Variants in URB1 observed in about 807,000 individuals in gnomAD.
The protein encoded by URB1 is nucleolar pre-ribosomal-associated protein 1.
A neutral mutation model predicts 242.3 loss-of-function variants in URB1; 197 were observed. The observed-to-expected ratio is 0.81, with a 90% CI of 0.72 to 0.91. The LOEUF (loss-of-function observed/expected upper bound fraction) is 0.91. Ranked by LOEUF, URB1 falls within the 40% of genes least tolerant of loss-of-function variation. The pLI, the probability that URB1 is intolerant of heterozygous loss-of-function variation, is 0.00. For synonymous variants in URB1, 1,153 were observed against 1,201.8 expected (o/e 0.96, Z 0.84); for missense variants, 2,721 against 2,860.5 (o/e 0.95, Z 1.11).
chr21:32,373,421 T>C (rs756912407), intron 7 of URB1, among the ~76,000 whole-genome samples: 5 of 151,316 alleles, frequency 3.3e-5, no homozygotes, highest in African/African-American at 4.9e-5. Flanking sequence ...AAGGAAATCA[T>C]AGTTTTCTAA....
intron 2 of URB1, among the ~76,000 whole-genome samples, chr21:32,384,857 T>C (rs1378325942): frequency 2.0e-5 from 3 of 152,170 alleles, no homozygotes; most frequent in African/African-American, 7.2e-5. Context: ...GGCGGGCGCC[T>C]GTAGTCCCAG....
intron 22 of URB1, among the ~76,000 whole-genome samples, chr21:32,346,328 G>A (rs1016949522): frequency 1.3e-5 from 2 of 152,158 alleles, no homozygotes; most frequent in African/African-American, 4.8e-5. Context: ...CAGGTCTTCC[G>A]TTATACCAAT....
At chr21:32,391,344 T>G (rs946873445) in intron 1 of URB1, among the ~76,000 whole-genome samples, 1 of 151,308 alleles carries the variant, frequency 6.6e-6, no homozygotes, top group Admixed American at 6.6e-5. Context: ...GTTGTGCACA[T>G]GTACCCTAAA....
intron 17 of URB1, 110 bp from the exon 18 acceptor site, chr21:32,354,213 A>G: frequency 1.6e-6 from 2 of 1,279,264 alleles, no homozygotes; most frequent in Non-Finnish European, 2.1e-6. Flanking sequence ...AAAAAGCCAA[A>G]TTCCTCTTGG....
chr21:32,354,849 T>C lies in URB1; in HGVS notation c.2245+10A>G. 1.9e-6 allele frequency: 3 copies of C among 1,552,086 alleles called. No homozygotes were observed. Among genetic ancestry groups the C allele is most frequent in the East Asian group, 2.4e-5 (1 of 40,914 alleles). Reference sequence around the variant, plus strand: ...GACCTCTGAGCAGCGCAGAACAGAATGGAACATACCGTCAATGTGGGAGAT... The same window carrying C: ...GACCTCTGAGCAGCGCAGAACAGAACGGAACATACCGTCAATGTGGGAGAT... On this transcript the variant is annotated intron_variant, in intron 17 of 38. Transcript: ENST00000382751.
Position 32,312,587 on chromosome 21 carries a change from C to G in URB1, c.*2331G>C, listed in dbSNP as rs1018265983. On this transcript the variant is annotated 3_prime_UTR_variant, in exon 39 of 39. Transcript: ENST00000382751. Reference sequence around the variant, plus strand: ...CAGCCAACGCCTGTCAGCAGCCAGGCCGGGTAAGCAGGATCTATGCCCAAA... The same window carrying G: ...CAGCCAACGCCTGTCAGCAGCCAGGGCGGGTAAGCAGGATCTATGCCCAAA... 1.8e-5 allele frequency: 3 copies of G among 164,726 alleles called. No homozygotes were observed. Among genetic ancestry groups the G allele is most frequent in the Admixed American group, 1.7e-4 (3 of 17,986 alleles). The allele number at this position is 164,726 out of a possible 1,614,324, so 10.2% of individuals were successfully genotyped here. A position where few individuals can be genotyped will look rare whatever the true frequency, so the allele number is the denominator to read the frequency against.
chr21:32,345,874 G>A (rs2033081236), intron 22 of URB1, among the ~76,000 whole-genome samples: 1 of 152,198 alleles, frequency 6.6e-6, no homozygotes, highest in African/African-American at 2.4e-5. Context: ...TGAGTGCCAA[G>A]GTTCTCAATT....
chr21:32,322,944 G>A (rs1284793520), intron 32 of URB1, among the ~76,000 whole-genome samples: 2 of 152,166 alleles, frequency 1.3e-5, no homozygotes, highest in South Asian at 2.1e-4. Flanking sequence ...ACACCCACCC[G>A]CTGCACCTGC....
Position 32,352,906 on chromosome 21 carries a change from G to C in URB1, c.2417C>G (p.Ala806Gly), listed in dbSNP as rs780853582. 2.6e-6 allele frequency: 4 copies of C among 1,542,112 alleles called. No individual in the cohort carries two copies. The Admixed American group carries it at 7.9e-5, about 31-fold the overall frequency. ...KLLLGTGNEA[A>G]ENVVTYLTAV... ...CGTCAGATATGTCACAACGTTTTCC[G>C]CTGCAAAGGAACGAGATGCATATGG... The change falls in exon 19 of 39, where the codon GCG becomes GGG. Residue 806 changes from alanine (A) to glycine (G), a missense_variant and splice_region_variant. Transcript: ENST00000382751.
At chr21:32,391,227 G>A (rs898044956) in intron 1 of URB1, among the ~76,000 whole-genome samples, 4 of 151,208 alleles carry the variant, frequency 2.6e-5, no homozygotes, top group Non-Finnish European at 5.9e-5. Flanking sequence ...TCGGGTCGGG[G>A]GGAGGGGGGA....
chr21:32,388,003 G>T (rs2033601142), intron 1 of URB1, among the ~76,000 whole-genome samples: 1 of 152,234 alleles, frequency 6.6e-6, no homozygotes, highest in Admixed American at 6.5e-5. Context: ...TCCACTAGCT[G>T]AGCAGAGAGG....
chr21:32,356,593 G>A (rs1421294297), intron 15 of URB1, among the ~76,000 whole-genome samples: 1 of 152,076 alleles, frequency 6.6e-6, no homozygotes, highest in African/African-American at 2.4e-5. Flanking sequence ...ATTCTCCAAG[G>A]TCACGAGCCA....
chr21:32,379,120 C>T (rs1018775849), intron 4 of URB1, among the ~76,000 whole-genome samples: 9 of 152,222 alleles, frequency 5.9e-5, no homozygotes, highest in Non-Finnish European at 1.3e-4. Flanking sequence ...TGTCCACATG[C>T]ATCAGCCACC....
chr21:32,353,217 C>A (rs2033178948), intron 18 of URB1, among the ~76,000 whole-genome samples: 1 of 152,206 alleles, frequency 6.6e-6, no homozygotes, highest in Non-Finnish European at 1.5e-5. Context: ...GTTTACTGTG[C>A]CTCGGCACAC....
At chr21:32,364,463 G>C (rs2033323199) in intron 10 of URB1, among the ~76,000 whole-genome samples, 1 of 152,186 alleles carries the variant, frequency 6.6e-6, no homozygotes, top group Non-Finnish European at 1.5e-5. Flanking sequence ...AGCTTTTCTG[G>C]TTTACTTTCA....
intron 29 of URB1, 60 bp from the exon 30 acceptor site, chr21:32,333,479 G>C (rs2032919743): frequency 1.8e-5 from 24 of 1,310,428 alleles, no homozygotes; most frequent in Admixed American, 6.8e-5. Context: ...AATACAGGTT[G>C]AGTATCTCTT....
At chr21:32,369,640 T>C (rs2033385386) in intron 8 of URB1, among the ~76,000 whole-genome samples, 1 of 152,056 alleles carries the variant, frequency 6.6e-6, no homozygotes, top group Non-Finnish European at 1.5e-5. Flanking sequence ...GTTTTTTTTA[T>C]ACGAACTGCT....
rs553704565 is a variant in URB1 at position 32,368,745 on chromosome 21, G to T, written c.1002-147C>A. 1.1e-4 allele frequency: 74 copies of T among 689,350 alleles called. No individual in the cohort carries two copies. In the African/African-American group the frequency reaches 1.2e-3, roughly 11 times the overall value. 42.7% of individuals were successfully genotyped at this position (689,350 alleles called of 1,614,324 possible). ...AATTTCCCCCAGGACGTAAAGTGGG[G>T]GTTCCGTGGCCTGGGGGTTCCAGCT... On this transcript the variant is annotated intron_variant, in intron 8 of 38. Transcript: ENST00000382751.
At chr21:32,358,010 CAG>C (rs35534878) in intron 14 of URB1, among the ~76,000 whole-genome samples, 4,872 of 152,342 alleles carry the variant, frequency 0.032, 257 homozygotes, top group African/African-American at 0.11. Context: ...GCCTGGGCAA[CAG>C]AGTGAGACTT....
Sources: allele counts gnomAD v4.1 joint callset (sites outside exome capture counted in the v4.1 genomes callset), GRCh38; gene constraint gnomAD v4.1.1; transcripts MANE v1.5; gene names NCBI Gene and HGNC (gene_info 2026-07-23, HGNC 2026-07-21).